Variants in PTCH1 observed in about 807,000 individuals in gnomAD.
PTCH1 encodes the protein patched 1.
PTCH1 carries 14 observed loss-of-function variants against 144.6 expected under a neutral mutation model. The ratio of observed to expected loss-of-function variants is 0.10; its 90% CI spans 0.06 to 0.15. PTCH1 has a LOEUF of 0.15. Ranked by LOEUF, PTCH1 falls within the 10% of genes least tolerant of loss-of-function variation. PTCH1 has a pLI of 1.00. For synonymous variants in PTCH1, 833 were observed against 793.6 expected (o/e 1.05, Z -0.83); for missense variants, 1,623 against 1,948.3 (o/e 0.83, Z 3.14).
chr9:95,453,950 G>T (rs551395061), intron 19 of PTCH1, among the ~76,000 whole-genome samples: 1 of 152,260 alleles, frequency 6.6e-6, no homozygotes, highest in East Asian at 1.9e-4. Context: ...ACTCACACGT[G>T]AGACCTCCAA....
intron 2 of PTCH1, among the ~76,000 whole-genome samples, chr9:95,488,756 G>A (rs528624384): frequency 1.3e-5 from 2 of 152,316 alleles, no homozygotes; most frequent in South Asian, 4.1e-4. Flanking sequence ...CATAGCACAA[G>A]TGTGATGCAG....
At chr9:95,482,245 TAAG>T in intron 3 of PTCH1, 42 bp from the exon 4 acceptor site, 4 of 1,569,764 alleles carry the variant, frequency 2.5e-6, no homozygotes, top group Non-Finnish European at 3.5e-6. Flanking sequence ...CTCACTGTAA[TAAG>T]AAAATTAGTG....
exon 1 of PTCH1, chr9:95,516,831 G>A (rs770132991): frequency 6.3e-7 from 1 of 1,592,826 alleles, no homozygotes; most frequent in Admixed American, 1.8e-5. Flanking sequence ...GGCCCTCGGC[G>A]TGGGTGGTCT....
rs571030658 is a variant in PTCH1 at position 95,447,108 on chromosome 9, G to A, written c.4148C>T (p.Pro1383Leu). The A allele has an allele frequency of 3.2e-5, 51 of 1,613,570 alleles. No individual in the cohort carries two copies. The South Asian group carries it at 3.8e-4, about 12-fold the overall frequency. The change falls in exon 23 of 24, where the codon CCG becomes CTG. Residue 1383 changes from proline (P) to leucine (L), a missense_variant. Pro to Leu is a moderately conservative substitution (Grantham distance 98). Around this residue, in one of 7 missense-constraint regions of PTCH1, gnomAD observed 291 missense variants for 287.4 expected, o/e 1.01. Coordinates refer to ENST00000331920, the MANE Select transcript of PTCH1 (RefSeq NM_000264.5). ...ASASVTVAVH[P>L]PPVPGPGRNP... is the part of the protein sequence containing the mutation. ...CCGCCCAGGCCCAGGGACAGGCGGC[G>A]GGTGCACGGCGACAGTCACGGAGGC...
chr9:95,509,571 C>T (rs957201307), upstream of PTCH1, among the ~76,000 whole-genome samples: 1 of 152,234 alleles, frequency 6.6e-6, no homozygotes, highest in Non-Finnish European at 1.5e-5. Flanking sequence ...TCAACAGTGT[C>T]TTCTTTTTGT....
At chr9:95,507,119 G>A in intron 1 of PTCH1, 1 of 980,678 alleles carries the variant, frequency 1.0e-6, no homozygotes, top group Non-Finnish European at 1.2e-6. Flanking sequence ...AGTAAGTGGG[G>A]ATCCACGTGG....
Position 95,469,400 on chromosome 9 carries a change from C to CA in PTCH1, c.1848-248dup, listed in dbSNP as rs56335896. On this transcript the variant is annotated intron_variant, in intron 13 of 23. Transcript: ENST00000331920. ...GAGGACTGATCCTAAATTTGGCTTT[C>CA]AAAAGCAAGTTCCATGATGATGAAT... 2.3e-4 allele frequency among the ~76,000 whole-genome samples: 35 copies of CA among 152,296 alleles called. No homozygotes were observed. In the East Asian group the frequency reaches 6.6e-3, roughly 29 times the overall value.
At chr9:95,466,367 G>GA (rs934417489) in intron 15 of PTCH1, among the ~76,000 whole-genome samples, 3 of 152,078 alleles carry the variant, frequency 2.0e-5, no homozygotes, top group Non-Finnish European at 4.4e-5. Context: ...TTTTAAAACA[G>GA]AATTTAATTA....
intron 13 of PTCH1, among the ~76,000 whole-genome samples, chr9:95,469,560 T>C (rs964485136): frequency 2.0e-5 from 3 of 152,160 alleles, no homozygotes; most frequent in African/African-American, 7.2e-5. Flanking sequence ...CATCAGTTCA[T>C]GATGGAAAAA....
At chr9:95,490,125 C>T (rs1842275782) in intron 2 of PTCH1, among the ~76,000 whole-genome samples, 1 of 151,300 alleles carries the variant, frequency 6.6e-6, no homozygotes, top group Non-Finnish European at 1.5e-5. Flanking sequence ...TATTTACCCG[C>T]TTTGCTTTTT....
upstream of PTCH1, among the ~76,000 whole-genome samples, chr9:95,511,180 G>GCCCC (rs1844138001): frequency 6.7e-6 from 1 of 150,264 alleles, no homozygotes; most frequent in African/African-American, 2.4e-5. Context: ...GGCCACCGGG[G>GCCCC]CGGTCCACGC....
intron 8 of PTCH1, 115 bp downstream of exon 8, chr9:95,478,885 C>T (rs1049754869): frequency 2.5e-5 from 37 of 1,510,032 alleles, no homozygotes; most frequent in Non-Finnish European, 3.2e-5. Context: ...CATCAAGTTC[C>T]CAGAATTGCA....
intron 15 of PTCH1, among the ~76,000 whole-genome samples, chr9:95,464,412 A>C (rs918245087): frequency 2.0e-5 from 3 of 152,228 alleles, no homozygotes; most frequent in Admixed American, 2.0e-4. Context: ...CTTAGCTAGA[A>C]GTTCTCCTCT....
At chr9:95,484,543 C>T (rs934714183) in intron 3 of PTCH1, among the ~76,000 whole-genome samples, 6 of 152,172 alleles carry the variant, frequency 3.9e-5, no homozygotes, top group Admixed American at 6.5e-5. Context: ...CTTTGGTTCT[C>T]CCTGGCTGCT....
At chr9:95,465,912 C>G (rs1023137736) in intron 15 of PTCH1, among the ~76,000 whole-genome samples, 6 of 152,172 alleles carry the variant, frequency 3.9e-5, no homozygotes, top group Admixed American at 2.0e-4. Flanking sequence ...AATAAATGAA[C>G]AGATGTTCCT....
intron 5 of PTCH1, 35 bp downstream of exon 5, chr9:95,481,914 G>A: frequency 6.5e-7 from 1 of 1,529,212 alleles, no homozygotes; most frequent in Non-Finnish European, 9.1e-7. Flanking sequence ...TCCTAGAGAA[G>A]TCACAGACAT....
In PTCH1 at chr9:95,476,861, C is replaced by T. The variant is rs1588598729; in HGVS notation, c.1504-4G>A. The T allele has an allele frequency of 2.5e-6, 4 of 1,613,054 alleles. No homozygotes were observed. The highest frequency in any genetic ancestry group is 3.4e-6 in the Non-Finnish European group (4 of 1,179,210). ...CAAGAGCGAGAAATGGCAAAACCTACAGCAAAAACAGAGGATGGTGGCATT... is the reference window on the plus strand; with the variant it reads ...CAAGAGCGAGAAATGGCAAAACCTATAGCAAAAACAGAGGATGGTGGCATT... On this transcript the variant is annotated splice_region_variant and splice_polypyrimidine_tract_variant and intron_variant, in intron 10 of 23. Coordinates refer to ENST00000331920, the MANE Select transcript of PTCH1 (RefSeq NM_000264.5). This position sits in a 1 kb window ranked among gnomAD's most constrained non-coding sequence, Gnocchi z 4.6.
chr9:95,481,034 G>A (rs902650627), intron 5 of PTCH1, among the ~76,000 whole-genome samples: 4 of 151,844 alleles, frequency 2.6e-5, no homozygotes, highest in African/African-American at 9.7e-5. Flanking sequence ...CCATACTTAT[G>A]AGCGCTCTCT....
rs202111971 is a variant in PTCH1 at position 95,516,690 on chromosome 9, T to C, written c.-219A>G. On this transcript the variant is annotated 5_prime_UTR_variant, in exon 1 of 23. Transcript: ENST00000430669. Reference sequence around the variant, plus strand: ...TTCTCCTCCGTTTTCTTCTTCTTCTTCTCCTCCTCCTCCGTCTTTACAAAA... The same window carrying C: ...TTCTCCTCCGTTTTCTTCTTCTTCTCCTCCTCCTCCTCCGTCTTTACAAAA... The C allele has an allele frequency of 1.6e-3, 2,526 of 1,612,088 alleles. 30 individuals carry two copies. The African/African-American group carries it at 0.022, about 14-fold the overall frequency.
Sources: gnomAD v4.1 joint callset for allele counts (sites outside exome capture counted in the v4.1 genomes callset) on GRCh38, gnomAD v4.1.1 for gene constraint, gnomAD v4.1.1 regional missense constraint, Gnocchi (gnomAD v3.1) non-coding constraint, MANE v1.5 for transcripts, NCBI Gene and HGNC (gene_info 2026-07-23, HGNC 2026-07-21) for gene names.